The following PMM2 variants were observed in gnomAD, a reference collection of about 807,000 sequenced individuals.
The protein encoded by PMM2 is mannose-6-phosphate isomerase.
In PMM2, 35 loss-of-function variants were observed where a neutral mutation model predicts 33.2. That is an observed-to-expected ratio of 1.06 (90% confidence interval 0.81 to 1.40). The LOEUF (loss-of-function observed/expected upper bound fraction) is 1.40, where lower values mean the gene tolerates loss of function less well. Among genes scored for constraint, PMM2 ranks in the 40% most tolerant of loss-of-function variants. PMM2 has a pLI of 0.00. For synonymous variants in PMM2, 153 were observed against 114.7 expected, an observed-to-expected ratio of 1.33 and a Z score of -2.13; for missense variants, 386 against 306.0, an observed-to-expected ratio of 1.26 and a Z score of -1.95.
chr16:8,841,571 C>A (rs1359129790), intron 7 of PMM2, among the ~76,000 whole-genome samples: 1 of 143,246 alleles, frequency 7.0e-6, no homozygotes, highest in African/African-American at 2.6e-5. Flanking sequence ...TAGATTTCCA[C>A]GATGGAAAGG....
intron 7 of PMM2, among the ~76,000 whole-genome samples, chr16:8,828,544 G>C (rs61088097): frequency 0.025 from 3,793 of 152,216 alleles, 76 homozygotes; most frequent in African/African-American, 0.055. Context: ...TCTCAGACCA[G>C]CTACCGACAT....
intron 7 of PMM2, among the ~76,000 whole-genome samples, chr16:8,835,364 T>G (rs2060838450): frequency 6.6e-6 from 1 of 151,990 alleles, no homozygotes; most frequent in Admixed American, 6.6e-5. Flanking sequence ...AATTTGGGCT[T>G]GACTGAAGTA....
At chr16:8,805,401 T>C (rs897175926) in intron 3 of PMM2, among the ~76,000 whole-genome samples, 1 of 152,086 alleles carries the variant, frequency 6.6e-6, no homozygotes, top group East Asian at 1.9e-4. Flanking sequence ...GGGGTCTTGC[T>C]GTGTTAACCA....
chr16:8,815,482 T>C (rs934815255), intron 7 of PMM2, among the ~76,000 whole-genome samples: 1 of 152,208 alleles, frequency 6.6e-6, no homozygotes, highest in African/African-American at 2.4e-5. Context: ...TCACCTGCCT[T>C]GGCCTCCTAA....
At chr16:8,841,333 C>T (rs2060889504) in intron 7 of PMM2, among the ~76,000 whole-genome samples, 1 of 151,224 alleles carries the variant, frequency 6.6e-6, no homozygotes, top group Non-Finnish European at 1.5e-5. Context: ...CTGCGGTGGC[C>T]TTCTCAGACC....
intron 2 of PMM2, 37 bp downstream of exon 2, chr16:8,801,947 T>C: frequency 1.5e-6 from 2 of 1,362,020 alleles, no homozygotes; most frequent in Non-Finnish European, 2.1e-6. Flanking sequence ...TGGTAAAAGA[T>C]TAACTTCTTA....
intron 7 of PMM2, among the ~76,000 whole-genome samples, chr16:8,828,397 G>C (rs2060790885): frequency 6.6e-6 from 1 of 152,108 alleles, no homozygotes; most frequent in African/African-American, 2.4e-5. Flanking sequence ...CTGGGAACCA[G>C]ACCCAGGCTA....
At chr16:8,827,901 A>ATAT (rs2060785553) in intron 7 of PMM2, among the ~76,000 whole-genome samples, 4 of 113,794 alleles carry the variant, frequency 3.5e-5, no homozygotes, top group Non-Finnish European at 5.3e-5. Context: ...TATATATGAT[A>ATAT]TATATTATAT....
intron 7 of PMM2, among the ~76,000 whole-genome samples, chr16:8,840,457 C>A (rs2141045235): frequency 6.6e-6 from 1 of 151,966 alleles, no homozygotes; most frequent in African/African-American, 2.4e-5. Flanking sequence ...AGGAGTATGA[C>A]CAGACAGAAG....
chr16:8,848,108 T>C lies in PMM2; in HGVS notation c.*283T>C. 2.5e-6 allele frequency: 1 copy of C among 398,084 alleles called. No homozygotes were observed. 24.7% of individuals were successfully genotyped at this position (398,084 alleles called of 1,614,324 possible). A position where few individuals can be genotyped will look rare whatever the true frequency, so the allele number is the denominator to read the frequency against. On this transcript the variant is annotated 3_prime_UTR_variant, in exon 8 of 8. Coordinates refer to ENST00000268261, the MANE Select transcript of PMM2 (RefSeq NM_000303.3). The stretch of plus-strand genomic sequence containing the variant: ...CTAATACCCACCCTGATACGTGCAA[T>C]CATGTAGTTTTGGCGGAAATTTCCC...
intron 6 of PMM2, among the ~76,000 whole-genome samples, chr16:8,812,437 T>G (rs2141023852): frequency 6.6e-6 from 1 of 152,364 alleles, no homozygotes; most frequent in East Asian, 1.9e-4. Flanking sequence ...AAAACTGGAA[T>G]GGCAAAGGGA....
chr16:8,798,920 C>T (rs2060595194), intron 1 of PMM2, among the ~76,000 whole-genome samples: 1 of 152,126 alleles, frequency 6.6e-6, no homozygotes, highest in Admixed American at 6.6e-5. Flanking sequence ...ATCATTTTGC[C>T]CTTCTCAGCC....
intron 7 of PMM2, among the ~76,000 whole-genome samples, chr16:8,819,926 A>G (rs2060728407): frequency 6.6e-6 from 1 of 152,202 alleles, no homozygotes; most frequent in Non-Finnish European, 1.5e-5. Context: ...CGCCTCTGTC[A>G]TTCTCCTACA....
At chr16:8,846,106 G>A (rs900081717) in intron 7 of PMM2, among the ~76,000 whole-genome samples, 3 of 152,198 alleles carry the variant, frequency 2.0e-5, no homozygotes, top group African/African-American at 7.2e-5. Context: ...GACTGGAAGA[G>A]ATGCCAAGTT....
At chr16:8,798,583 C>T (rs538284894) in intron 1 of PMM2, among the ~76,000 whole-genome samples, 1 of 152,304 alleles carries the variant, frequency 6.6e-6, no homozygotes, top group East Asian at 1.9e-4. Context: ...CATCTCCAGC[C>T]CCTGCAATGG....
chr16:8,815,061 T>C (rs1006593711), intron 7 of PMM2, among the ~76,000 whole-genome samples: 2 of 152,254 alleles, frequency 1.3e-5, no homozygotes, highest in Admixed American at 6.5e-5. Context: ...CCTTTAGATA[T>C]CTGATACAAG....
At chr16:8,822,349 T>C (rs956210140) in intron 7 of PMM2, among the ~76,000 whole-genome samples, 7 of 152,212 alleles carry the variant, frequency 4.6e-5, no homozygotes, top group Non-Finnish European at 7.3e-5. Flanking sequence ...AGTGATATTA[T>C]TTTCAGGAGC....
chr16:8,812,994 G>A lies in PMM2; in HGVS notation c.527G>A (p.Gly176Asp), dbSNP rs940938678. The A allele has an allele frequency of 4.4e-6, 7 of 1,597,876 alleles. No individual in the cohort carries two copies. Among genetic ancestry groups the A allele is most frequent in the African/African-American group, 1.3e-5 (1 of 74,730 alleles). Residue 176 changes from glycine (G) to aspartate (D), a missense_variant, in exon 7 of 8, where the codon GGC (glycine) becomes GAC (aspartate). Coordinates refer to ENST00000268261, the MANE Select transcript of PMM2 (RefSeq NM_000303.3). ...AGKGLTFSIG[G>D]QISFDVFPDG... Reference sequence around the variant, plus strand: ...GTGCCCCGTCCCCACCCGGCAGGAGGCCAGATCAGCTTTGATGTCTTTCCT... The same window carrying A: ...GTGCCCCGTCCCCACCCGGCAGGAGACCAGATCAGCTTTGATGTCTTTCCT...
At chr16:8,837,939 A>G (rs1290362371) in intron 7 of PMM2, among the ~76,000 whole-genome samples, 1 of 152,124 alleles carries the variant, frequency 6.6e-6, no homozygotes, top group African/African-American at 2.4e-5. Context: ...AGAAAATGAA[A>G]GGAATTGAAA....
Sources: gnomAD v4.1 joint callset for allele counts (sites outside exome capture counted in the v4.1 genomes callset) on GRCh38, gnomAD v4.1.1 for gene constraint, MANE v1.5 for transcripts, NCBI Gene and HGNC (gene_info 2026-07-23, HGNC 2026-07-21) for gene names.